DTX3L: variants seen among roughly 807,000 people sequenced by gnomAD.
DTX3L encodes the protein E3 ubiquitin-protein ligase DTX3L.
In DTX3L, 34 loss-of-function variants were observed where a neutral mutation model predicts 60.9. The observed-to-expected ratio is 0.56, with a 90% CI of 0.42 to 0.74. The LOEUF is 0.74. DTX3L is among the 30% of genes least tolerant of loss of function. The pLI, the probability that DTX3L is intolerant of heterozygous loss-of-function variation, is 0.00. For missense variants in DTX3L, 810 were observed against 874.0 expected, an observed-to-expected ratio of 0.93 and a Z score of 0.92; for synonymous variants, 290 against 316.6, an observed-to-expected ratio of 0.92 and a Z score of 0.89.
intron 2 of DTX3L, among the ~76,000 whole-genome samples, chr3:122,568,099 C>G (rs1229908536): frequency 2.6e-5 from 4 of 152,164 alleles, no homozygotes; most frequent in Admixed American, 2.6e-4. Context: ...CACCTGAGGT[C>G]AGGAGTTCCA....
chr3:122,574,651 C>T lies in DTX3L; in HGVS notation c.*2904C>T, dbSNP rs1329993590. The T allele has an allele frequency of 6.6e-6, 1 of 152,296 alleles. No homozygotes were observed. Among genetic ancestry groups the T allele is most frequent in the African/African-American group, 2.4e-5 (1 of 41,464 alleles). 9.4% of individuals were successfully genotyped at this position (152,296 alleles called of 1,614,324 possible). ...AGAGGATAAGCAACTTGCCAAAGGT[C>T]ACACAGTTAATAAGTGGAAATGCTG... On this transcript the variant is annotated 3_prime_UTR_variant, in exon 5 of 5. Coordinates refer to ENST00000296161, the MANE Select transcript of DTX3L (RefSeq NM_138287.3).
intron 4 of DTX3L, among the ~76,000 whole-genome samples, chr3:122,570,955 G>A (rs553315633): frequency 1.3e-5 from 2 of 152,278 alleles, no homozygotes; most frequent in Admixed American, 6.5e-5. Flanking sequence ...TTGAGGCGTT[G>A]TGTCTATCTG....
chr3:122,569,933 T>C lies in DTX3L; in HGVS notation c.1844T>C (p.Met615Thr). 1 of 1,614,086 alleles carries C rather than the reference T, an allele frequency of 6.2e-7. No individual in the cohort carries two copies. Among genetic ancestry groups the C allele is most frequent in the Non-Finnish European group, 8.5e-7 (1 of 1,179,976 alleles). Residue 615 changes from methionine to threonine, a missense_variant, in exon 3 of 5, where the codon ATG becomes ACG. Coordinates refer to ENST00000296161, the MANE Select transcript of DTX3L (RefSeq NM_138287.3). ...AAAGGAAATCAGCCAGAGGGAAGCA[T>C]GGTTTTCACTGTTTCAAGAGACTCA... ...IQKGNQPEGS[M>T]VFTVSRDSLP...
At chr3:122,564,882 C>A (rs2080532172) in intron 1 of DTX3L, among the ~76,000 whole-genome samples, 1 of 152,210 alleles carries the variant, frequency 6.6e-6, no homozygotes, top group Non-Finnish European at 1.5e-5. Flanking sequence ...AACTTAATTT[C>A]TCAGCTGTCA....
In DTX3L at chr3:122,568,664, TC is replaced by T. The variant is rs2080621600; in HGVS notation, c.577del (p.Leu193TrpfsTer13). 4 of 1,614,176 alleles carry T rather than the reference TC, an allele frequency of 2.5e-6. No homozygotes were observed. The highest frequency in any genetic ancestry group is 1.7e-6 in the Non-Finnish European group (2 of 1,180,014). ...ERIHQFLSEQ[F>X]LESEQKQQFS... is the part of the protein sequence containing the mutation. ...ATACATCAATTTTTGAGTGAGCAGTTCCTGGAAAGTGAGCAGAAACAACAAT... is the reference window on the plus strand; with the variant it reads ...ATACATCAATTTTTGAGTGAGCAGTTCTGGAAAGTGAGCAGAAACAACAAT... On this transcript the variant is annotated frameshift_variant, in exon 3 of 5. Transcript: ENST00000296161. LOFTEE classifies it high-confidence loss of function.
chr3:122,569,934 G>A lies in DTX3L; in HGVS notation c.1845G>A (p.Met615Ile). 1 of 1,614,102 alleles carries A rather than the reference G, an allele frequency of 6.2e-7. No individual in the cohort carries two copies. The highest frequency in any genetic ancestry group is 1.1e-5 in the South Asian group (1 of 91,074). The change falls in exon 3 of 5, where the codon ATG becomes ATA. Residue 615 changes from methionine to isoleucine, a missense_variant. Physicochemically the swap from Met to Ile is conservative, Grantham distance 10 (BLOSUM62 1). Coordinates refer to ENST00000296161, the MANE Select transcript of DTX3L (RefSeq NM_138287.3). ...IQKGNQPEGS[M>I]VFTVSRDSLP... ...AAGGAAATCAGCCAGAGGGAAGCAT[G>A]GTTTTCACTGTTTCAAGAGACTCAC...
Position 122,566,046 on chromosome 3 carries a change from T to C in DTX3L, c.375T>C (p.Asn125=), listed in dbSNP as rs747807792. 1 of 1,614,208 alleles carries C rather than the reference T, an allele frequency of 6.2e-7. No individual in the cohort carries two copies. Among genetic ancestry groups the C allele is most frequent in the Middle Eastern group, 1.6e-4 (1 of 6,062 alleles). Residue 125 remains asparagine, a synonymous_variant, in exon 2 of 5, where the codon AAT becomes AAC. Transcript: ENST00000296161. ...DMHQHEGHIP[N]AVDSCLQKIF... is the part of the protein sequence containing the mutation. ...ATCAACATGAAGGACATATTCCTAA[T>C]GCTGTGGATTCCTGTCTCCAAAAGG...
At position 122,569,629 on chromosome 3, in the gene DTX3L, T is replaced by C. The variant is rs1248125338; in HGVS notation, c.1540T>C (p.Ser514Pro). ...QYVLKGGGMS[S>P]LAGKKLKEGH... is the part of the protein sequence containing the mutation. ...TGTTCTAAAAGGAGGAGGAATGTCT[T>C]CATTGGCTGGAAAGAAATTGAAAGA... The change falls in exon 3 of 5, where the codon TCA becomes CCA. Residue 514 changes from serine (S) to proline (P), a missense_variant. By Grantham distance (74) the Ser-to-Pro change is moderately conservative. Coordinates refer to ENST00000296161, the MANE Select transcript of DTX3L (RefSeq NM_138287.3). 3 of 1,614,082 alleles carry C rather than the reference T, an allele frequency of 1.9e-6. No homozygotes were observed. The African/African-American group carries it at 4.0e-5, about 22-fold the overall frequency.
intron 1 of DTX3L, among the ~76,000 whole-genome samples, chr3:122,565,203 G>T (rs2080543311): frequency 6.6e-6 from 1 of 151,932 alleles, no homozygotes. Flanking sequence ...TCACTTACCT[G>T]TATAATGAGT....
intron 4 of DTX3L, among the ~76,000 whole-genome samples, chr3:122,571,198 C>A (rs529195066): frequency 6.6e-6 from 1 of 152,180 alleles, no homozygotes; most frequent in African/African-American, 2.4e-5. Flanking sequence ...AAAATATATA[C>A]CCTGAGACTT....
At chr3:122,570,767 C>A in intron 4 of DTX3L, 95 bp downstream of exon 4, 1 of 1,302,240 alleles carries the variant, frequency 7.7e-7, no homozygotes, top group Non-Finnish European at 1.1e-6. Flanking sequence ...GACTCTATAG[C>A]AGTGGAATTG....
chr3:122,567,934 T>G (rs1054544785), intron 2 of DTX3L, among the ~76,000 whole-genome samples: 1 of 152,204 alleles, frequency 6.6e-6, no homozygotes, highest in Non-Finnish European at 1.5e-5. Context: ...TTGGCTGGTT[T>G]GTTTTTCCCT....
rs1462721638 is a variant in DTX3L, at chr3:122,564,364, G to C, written c.-63G>C. The C allele has an allele frequency of 2.8e-5, 43 of 1,522,896 alleles. No homozygotes were observed. The East Asian group carries it at 7.6e-4, about 27-fold the overall frequency. The allele number at this position is 1,522,896 out of a possible 1,614,324, so 94.3% of individuals were successfully genotyped here. A position where few individuals can be genotyped will look rare whatever the true frequency, so the allele number is the denominator to read the frequency against. On this transcript the variant is annotated 5_prime_UTR_variant, in exon 1 of 5. Coordinates refer to ENST00000296161, the MANE Select transcript of DTX3L (RefSeq NM_138287.3). ...AAACTTTGCGCCCAGTCCGCAGGGC[G>C]GGCCGCGCCTTTACCGCCCAGCTGC...
chr3:122,571,313 C>T (rs2080644287), intron 4 of DTX3L, among the ~76,000 whole-genome samples: 1 of 152,122 alleles, frequency 6.6e-6, no homozygotes, highest in South Asian at 2.1e-4. Flanking sequence ...TTACCATAAA[C>T]TGAAAAATTT....
At position 122,573,175 on chromosome 3, in the gene DTX3L, G is replaced by C. The variant is rs1041000277; in HGVS notation, c.*1428G>C. The stretch of plus-strand genomic sequence containing the variant: ...ACAAGCAGTTCTTCAGGAACTAAGA[G>C]TGAGTCACTCCCATGAGAACAGCAC... On this transcript the variant is annotated 3_prime_UTR_variant, in exon 5 of 5. Coordinates refer to ENST00000296161, the MANE Select transcript of DTX3L (RefSeq NM_138287.3). 1 of 152,150 alleles carries C rather than the reference G, an allele frequency of 6.6e-6. No homozygotes were observed. The highest frequency in any genetic ancestry group is 1.9e-4 in the East Asian group (1 of 5,174). The allele number at this position is 152,150 out of a possible 1,614,324, so 9.4% of individuals were successfully genotyped here. A position where few individuals can be genotyped will look rare whatever the true frequency, so the allele number is the denominator to read the frequency against.
chr3:122,570,344 A>C lies in DTX3L; in HGVS notation c.1936-111A>C, dbSNP rs546340707. On this transcript the variant is annotated intron_variant, in intron 3 of 4. Transcript: ENST00000296161. ...TTATTGGGAATATGAGCATAACTTC[A>C]ATACCTTTCTTGCTTTTGATTTGCT... is the stretch of plus-strand genomic sequence containing the variant. 1.2e-3 allele frequency: 1,297 copies of C among 1,104,828 alleles called. 21 individuals carry two copies. The South Asian group carries it at 0.017, about 15-fold the overall frequency. The allele number at this position is 1,104,828 out of a possible 1,614,324, so 68.4% of individuals were successfully genotyped here.
At position 122,569,691 on chromosome 3, in the gene DTX3L, T is replaced by C; in HGVS notation, c.1602T>C (p.Asp534=). The change falls in exon 3 of 5, where the codon GAT becomes GAC. Residue 534 remains aspartate, a synonymous_variant. Coordinates refer to ENST00000296161, the MANE Select transcript of DTX3L (RefSeq NM_138287.3). The part of the protein sequence containing the change: ...HETPMDIDSD[D]SKAASPPLKG... ...CACCGATGGACATTGATAGCGATGA[T>C]TCCAAAGCAGCTTCTCCGCCACTCA... 6.2e-7 allele frequency: 1 copy of C among 1,614,130 alleles called. No individual in the cohort carries two copies.
intron 1 of DTX3L, 52 bp downstream of exon 1, chr3:122,564,665 G>A (rs1263982731): frequency 9.7e-6 from 15 of 1,551,642 alleles, no homozygotes; most frequent in Non-Finnish European, 1.3e-5. Flanking sequence ...CCGGCCCCCG[G>A]GTTTCCAGGC....
At chr3:122,567,609 C>T (rs866963107) in intron 2 of DTX3L, among the ~76,000 whole-genome samples, 14 of 152,132 alleles carry the variant, frequency 9.2e-5, no homozygotes, top group Admixed American at 8.5e-4. Context: ...GAAGGGTCCA[C>T]AACTTTGCAT....
Sources: allele counts gnomAD v4.1 joint callset (sites outside exome capture counted in the v4.1 genomes callset), GRCh38; gene constraint gnomAD v4.1.1; transcripts MANE v1.5; gene names NCBI Gene and HGNC (gene_info 2026-07-23, HGNC 2026-07-21).